IL1RAPL2: variants seen among roughly 807,000 people sequenced by gnomAD.
The protein encoded by IL1RAPL2 is X-linked interleukin-1 receptor accessory protein-like 2.
IL1RAPL2 carries 3 observed loss-of-function variants against 44.1 expected under a neutral mutation model. The ratio of observed to expected loss-of-function variants is 0.07; its 90% CI spans 0.03 to 0.18. IL1RAPL2 has a LOEUF of 0.18. IL1RAPL2 is among the 10% of genes least tolerant of loss of function. IL1RAPL2 has a pLI of 1.00. For missense variants in IL1RAPL2, 391 were observed against 496.4 expected (o/e 0.79, Z 2.02); for synonymous variants, 181 against 178.8 (o/e 1.01, Z -0.10).
At chrX:105,744,210 T>C (rs955900257) in intron 8 of IL1RAPL2, among the ~76,000 whole-genome samples, 5 of 111,916 alleles carry the variant, frequency 4.5e-5, no homozygotes, top group Non-Finnish European at 7.5e-5. Context: ...ACAAAACCAA[T>C]TTTTTGGCCC....
intron 2 of IL1RAPL2, among the ~76,000 whole-genome samples, chrX:104,955,444 T>C (rs1222408732): frequency 9.3e-6 from 1 of 107,831 alleles, no homozygotes; most frequent in East Asian, 2.9e-4. Context: ...AACAGAAATT[T>C]ATTTCAGCTC....
intron 2 of IL1RAPL2, among the ~76,000 whole-genome samples, chrX:105,189,023 C>T (rs1053852633): frequency 2.7e-5 from 3 of 111,840 alleles, no homozygotes; most frequent in Non-Finnish European, 5.6e-5. Flanking sequence ...ACGGAGTCCA[C>T]TGTGCTGGGT....
intron 5 of IL1RAPL2, among the ~76,000 whole-genome samples, chrX:105,312,376 C>T (rs1417057978): frequency 5.4e-5 from 6 of 111,668 alleles, no homozygotes; most frequent in African/African-American, 1.9e-4. Flanking sequence ...TTTGTTGTTA[C>T]GGCAGTAATG....
chrX:104,647,016 T>C (rs1165338871), intron 1 of IL1RAPL2, among the ~76,000 whole-genome samples: 1 of 109,819 alleles, frequency 9.1e-6, no homozygotes, highest in African/African-American at 3.5e-5. Context: ...ATTATAGTAG[T>C]GTCAAAAATT....
At chrX:105,011,056 G>C (rs761955898) in intron 2 of IL1RAPL2, among the ~76,000 whole-genome samples, 44 of 110,409 alleles carry the variant, frequency 4.0e-4, no homozygotes, top group Non-Finnish European at 7.0e-4. Flanking sequence ...TATGGCCTTT[G>C]GTTAAGAGAG....
At chrX:105,587,648 C>T (rs1217097228) in intron 6 of IL1RAPL2, among the ~76,000 whole-genome samples, 1 of 111,757 alleles carries the variant, frequency 8.9e-6, no homozygotes, top group African/African-American at 3.2e-5. Context: ...TACTGAACCC[C>T]ACAAATTTTG....
At chrX:104,572,599 TCTTTCTTTTC>T (rs1928167769) in intron 1 of IL1RAPL2, among the ~76,000 whole-genome samples, 1 of 111,694 alleles carries the variant, frequency 9.0e-6, no homozygotes, top group Admixed American at 9.5e-5. Context: ...CTTTTCTTTT[TCTTTCTTTTC>T]TTTTAGACAG....
chrX:105,584,532 G>GTT (rs11461799), intron 6 of IL1RAPL2, among the ~76,000 whole-genome samples: 111 of 100,314 alleles, frequency 1.1e-3, no homozygotes, highest in Middle Eastern at 5.6e-3. Context: ...AGTTGTTTCT[G>GTT]TTTTTTTTTT....
chrX:105,426,787 T>C (rs1163382538), intron 5 of IL1RAPL2, among the ~76,000 whole-genome samples: 1 of 111,504 alleles, frequency 9.0e-6, no homozygotes, highest in Non-Finnish European at 1.9e-5. Context: ...CACACCTCAT[T>C]GTGCAGACAT....
chrX:104,626,980 G>A (rs1349351363), intron 1 of IL1RAPL2, among the ~76,000 whole-genome samples: 2 of 108,722 alleles, frequency 1.8e-5, no homozygotes, highest in East Asian at 3.0e-4. Flanking sequence ...CAACACACCC[G>A]GTTAATTTTT....
intron 6 of IL1RAPL2, among the ~76,000 whole-genome samples, chrX:105,669,655 A>G (rs1013642153): frequency 9.0e-6 from 1 of 111,167 alleles, no homozygotes; most frequent in Admixed American, 9.6e-5. Flanking sequence ...TTCTGGAACT[A>G]TAGCACAATC....
At chrX:104,907,350 G>C (rs1479184657) in intron 2 of IL1RAPL2, among the ~76,000 whole-genome samples, 1 of 111,042 alleles carries the variant, frequency 9.0e-6, no homozygotes, top group Non-Finnish European at 1.9e-5. Context: ...GCTAGCTTTT[G>C]AATGTGTTTG....
rs1459268597 is a variant in IL1RAPL2 at position 105,503,633 on chromosome X, G to T, written c.772+19246G>T. 2.7e-5 allele frequency among the ~76,000 whole-genome samples: 3 copies of T among 111,481 alleles called. No individual in the cohort carries two copies. In the Admixed American group the frequency reaches 2.9e-4, roughly 11 times the overall value. On this transcript the variant is annotated intron_variant, in intron 6 of 10. Transcript: ENST00000372582. ...CTTACCACATCCATGAGTGTCCTAG[G>T]GCTGCTGTAACAAAGTGCCACAAAT...
At chrX:105,232,989 T>C (rs377475513) in intron 3 of IL1RAPL2, among the ~76,000 whole-genome samples, 9 of 112,239 alleles carry the variant, frequency 8.0e-5, no homozygotes, top group South Asian at 7.4e-4. Context: ...AGTGAGTACC[T>C]TAAAAAGCTG....
chrX:105,704,915 A>G (rs1322321425), intron 6 of IL1RAPL2, among the ~76,000 whole-genome samples: 8 of 111,172 alleles, frequency 7.2e-5, no homozygotes, highest in Non-Finnish European at 1.5e-4. Context: ...AAGTTTTACT[A>G]TATACCATGT....
intron 2 of IL1RAPL2, among the ~76,000 whole-genome samples, chrX:104,719,259 C>T (rs1458921570): frequency 8.9e-6 from 1 of 111,963 alleles, no homozygotes; most frequent in Non-Finnish European, 1.9e-5. Flanking sequence ...GAAAAAAATT[C>T]AAACTGGCTT....
At chrX:104,644,944 C>G (rs1303198475) in intron 1 of IL1RAPL2, among the ~76,000 whole-genome samples, 2 of 111,685 alleles carry the variant, frequency 1.8e-5, no homozygotes, top group African/African-American at 6.5e-5. Flanking sequence ...TGGTTAACAG[C>G]CTTTTTACTT....
chrX:105,217,273 C>T (rs2033870426), intron 3 of IL1RAPL2, among the ~76,000 whole-genome samples: 1 of 110,814 alleles, frequency 9.0e-6, no homozygotes, highest in African/African-American at 3.3e-5. Context: ...AACAAACAAC[C>T]CCATCAAAAA....
chrX:104,877,838 G>A (rs1343654003), intron 2 of IL1RAPL2, among the ~76,000 whole-genome samples: 2 of 111,460 alleles, frequency 1.8e-5, no homozygotes, highest in Non-Finnish European at 3.8e-5. Context: ...GGAAGAGATG[G>A]CAAACAAGCT....
Sources: allele counts gnomAD v4.1 joint callset (sites outside exome capture counted in the v4.1 genomes callset), GRCh38; gene constraint gnomAD v4.1.1; transcripts MANE v1.5; gene names NCBI Gene and HGNC (gene_info 2026-07-23, HGNC 2026-07-21).